Variants in CNST observed in about 807,000 individuals in gnomAD.
The protein encoded by CNST is consortin, connexin sorting protein, also known as consortin.
Under a neutral mutation model 72.4 loss-of-function variants are expected in CNST, and 39 were observed. The ratio of observed to expected loss-of-function variants is 0.54; its 90% CI spans 0.42 to 0.70. The LOEUF (loss-of-function observed/expected upper bound fraction) is 0.70, where lower values mean the gene tolerates loss of function less well. CNST is among the 30% of genes least tolerant of loss of function. CNST has a pLI of 0.00. For synonymous variants in CNST, 332 were observed against 320.1 expected, an observed-to-expected ratio of 1.04 and a Z score of -0.40; for missense variants, 871 against 868.5, an observed-to-expected ratio of 1.00 and a Z score of -0.04.
intron 1 of CNST, among the ~76,000 whole-genome samples, chr1:246,574,626 G>C (rs1423266248): frequency 6.6e-6 from 1 of 151,388 alleles, no homozygotes. Context: ...TCCCTGTGTT[G>C]CCCCAGCTGG....
rs574307128 is a variant in CNST at position 246,633,678 on chromosome 1, G to A, written c.617-246G>A. On this transcript the variant is annotated intron_variant, in intron 4 of 10. Coordinates refer to ENST00000366513, the MANE Select transcript of CNST (RefSeq NM_152609.3). Reference sequence around the variant, plus strand: ...GAATCGCTTGAACCCGGGAGGTGGAGGTTGTAGTGAGCTGAGATTGCCCCA... The same window carrying A: ...GAATCGCTTGAACCCGGGAGGTGGAAGTTGTAGTGAGCTGAGATTGCCCCA... Among the ~76,000 whole-genome samples the A allele has an allele frequency of 1.9e-4, 29 of 151,920 alleles. No homozygotes were observed. The South Asian group carries it at 6.0e-3, about 32-fold the overall frequency.
In CNST at chr1:246,573,889, GATT is replaced by G. The variant is rs1404542536; in HGVS notation, c.-52+7230_-52+7232del. ...AAAATGTGCCCAGAATGTCTCTATA[GATT>G]ATTCTGCCTTCCCTCACCTTTTAGT... is the stretch of plus-strand genomic sequence containing the variant. On this transcript the variant is annotated intron_variant, in intron 1 of 10. Coordinates refer to ENST00000366513, the MANE Select transcript of CNST (RefSeq NM_152609.3). Among the ~76,000 whole-genome samples the G allele has an allele frequency of 6.6e-5, 10 of 152,152 alleles. No individual in the cohort carries two copies. In the East Asian group the frequency reaches 1.9e-3, roughly 29 times the overall value.
At chr1:246,615,682 C>A (rs949276313) in intron 2 of CNST, among the ~76,000 whole-genome samples, 1 of 150,972 alleles carries the variant, frequency 6.6e-6, no homozygotes, top group Non-Finnish European at 1.5e-5. Flanking sequence ...AGTTCAAGAC[C>A]AGCCTGACCA....
intron 2 of CNST, among the ~76,000 whole-genome samples, chr1:246,598,462 T>G (rs764975912): frequency 4.6e-5 from 7 of 152,188 alleles, no homozygotes; most frequent in Non-Finnish European, 1.0e-4. Context: ...TCCCCTAATG[T>G]ACATTCCTAA....
intron 2 of CNST, among the ~76,000 whole-genome samples, chr1:246,604,143 A>G (rs1662510021): frequency 6.6e-6 from 1 of 152,180 alleles, no homozygotes; most frequent in African/African-American, 2.4e-5. Context: ...CTGCCCGGCT[A>G]CTGGAGAGAC....
intron 9 of CNST, among the ~76,000 whole-genome samples, chr1:246,657,829 T>G (rs932134158): frequency 5.3e-5 from 8 of 152,240 alleles, no homozygotes; most frequent in African/African-American, 1.9e-4. Context: ...TCTGTCAACA[T>G]GTTTGTTCCT....
intron 7 of CNST, 71 bp from the exon 8 acceptor site, chr1:246,641,870 T>C: frequency 7.3e-7 from 1 of 1,375,708 alleles, no homozygotes; most frequent in East Asian, 2.3e-5. Context: ...CTTTCCCAAG[T>C]TATTTTCAGC....
Position 246,666,096 on chromosome 1 carries a change from A to C in CNST, c.*191A>C. The C allele has an allele frequency of 1.8e-6, 1 of 570,092 alleles. No individual in the cohort carries two copies. 35.3% of individuals were successfully genotyped at this position (570,092 alleles called of 1,614,324 possible). A position where few individuals can be genotyped will look rare whatever the true frequency, so the allele number is the denominator to read the frequency against. ...TAATCCACACAGTGAGGCAAATATCAATCTAAGCATTGTGGATGGAAGGAA... is the reference window on the plus strand; with the variant it reads ...TAATCCACACAGTGAGGCAAATATCCATCTAAGCATTGTGGATGGAAGGAA... On this transcript the variant is annotated 3_prime_UTR_variant, in exon 11 of 11. Transcript: ENST00000366513.
rs770596980 is a variant in CNST, at chr1:246,591,520, G to A, written c.-43G>A. On this transcript the variant is annotated 5_prime_UTR_variant, in exon 2 of 11. Transcript: ENST00000366513. ...TCTTTTTGTCATTGTAGACATGGAA[G>A]GTCTTTAATGTAACTTTAAATGGTT... 4 of 1,604,420 alleles carry A rather than the reference G, an allele frequency of 2.5e-6. No homozygotes were observed. The South Asian group carries it at 3.3e-5, about 13-fold the overall frequency.
At chr1:246,622,152 C>T (rs985120482) in intron 3 of CNST, among the ~76,000 whole-genome samples, 1 of 152,160 alleles carries the variant, frequency 6.6e-6, no homozygotes, top group Admixed American at 6.5e-5. Context: ...TTGGCTAATC[C>T]ATAGTTTAAA....
intron 2 of CNST, among the ~76,000 whole-genome samples, chr1:246,592,216 C>T (rs753698610): frequency 1.1e-4 from 17 of 152,114 alleles, no homozygotes; most frequent in Non-Finnish European, 1.9e-4. Context: ...AGGCCGGGTA[C>T]GGTGGCTCAC....
In CNST at chr1:246,665,845, C is replaced by G. The variant is rs138848173; in HGVS notation, c.2118C>G (p.Phe706Leu). 6.2e-7 allele frequency: 1 copy of G among 1,613,996 alleles called. No homozygotes were observed. Among genetic ancestry groups the G allele is most frequent in the Non-Finnish European group, 8.5e-7 (1 of 1,180,004 alleles). ...VCTDFADNMD[F>L]YYTKLLQGVA... ...CTGACTTTGCAGACAACATGGACTT[C>G]TATTACACTAAGTTACTTCAGGGAG... The change falls in exon 11 of 11, where the codon TTC (phenylalanine) becomes TTG (leucine). Residue 706 changes from phenylalanine (F) to leucine (L), a missense_variant. By Grantham distance (22) the Phe-to-Leu change is conservative. Coordinates refer to ENST00000366513, the MANE Select transcript of CNST (RefSeq NM_152609.3).
chr1:246,652,855 C>G (rs6426315), intron 9 of CNST, among the ~76,000 whole-genome samples: 3 of 142,228 alleles, frequency 2.1e-5, no homozygotes, highest in Non-Finnish European at 4.7e-5. Flanking sequence ...ATACAAAAAA[C>G]TAGCCGGGCG....
intron 2 of CNST, among the ~76,000 whole-genome samples, chr1:246,619,153 G>GGA (rs1663884865): frequency 8.5e-6 from 1 of 118,008 alleles, no homozygotes; most frequent in South Asian, 3.3e-4. Flanking sequence ...TAGAGAAAAG[G>GGA]GAAAAAAAAA....
At chr1:246,640,497 T>A (rs1021902153) in intron 6 of CNST, among the ~76,000 whole-genome samples, 13 of 152,172 alleles carry the variant, frequency 8.5e-5, no homozygotes, top group African/African-American at 2.9e-4. Context: ...TTAAAAAAAA[T>A]TCCTTATTCA....
chr1:246,583,986 G>T (rs10754528), intron 1 of CNST, among the ~76,000 whole-genome samples: 64,964 of 151,838 alleles, frequency 0.43, 15,838 homozygotes, highest in Non-Finnish European at 0.54. Flanking sequence ...GTGTTTCCCA[G>T]GCTGGAGTGA....
chr1:246,638,499 C>CA (rs1446671846), intron 6 of CNST, among the ~76,000 whole-genome samples: 35 of 152,262 alleles, frequency 2.3e-4, no homozygotes, highest in Non-Finnish European at 2.2e-4. Flanking sequence ...CCCGTTCTTT[C>CA]CAGATGGACA....
chr1:246,646,310 C>T (rs901007480), intron 8 of CNST, among the ~76,000 whole-genome samples: 2 of 146,968 alleles, frequency 1.4e-5, no homozygotes, highest in Non-Finnish European at 3.0e-5. Flanking sequence ...AAGTAATTTG[C>T]AAACACATTT....
chr1:246,583,003 G>A (rs1259189638), intron 1 of CNST, among the ~76,000 whole-genome samples: 2 of 152,250 alleles, frequency 1.3e-5, no homozygotes, highest in African/African-American at 2.4e-5. Context: ...CCGCCCGTTA[G>A]CGTGATGAGC....
Sources: gnomAD v4.1 joint callset for allele counts (sites outside exome capture counted in the v4.1 genomes callset) on GRCh38, gnomAD v4.1.1 for gene constraint, MANE v1.5 for transcripts, NCBI Gene and HGNC (gene_info 2026-07-23, HGNC 2026-07-21) for gene names.